The following PPHLN1 variants were observed in gnomAD, a reference collection of about 807,000 sequenced individuals.
PPHLN1 encodes the protein periphilin 1.
A neutral mutation model predicts 51.3 loss-of-function variants in PPHLN1; 29 were observed. That is an observed-to-expected ratio of 0.57 (90% confidence interval 0.42 to 0.77). The LOEUF is 0.77. Ranked by LOEUF, PPHLN1 falls within the 30% of genes least tolerant of loss-of-function variation. The pLI is 0.00. For synonymous variants in PPHLN1, 147 were observed against 147.8 expected (o/e 0.99, Z 0.04); for missense variants, 436 against 438.4 (o/e 0.99, Z 0.05).
At chr12:42,340,503 C>T (rs1167423530) in intron 2 of PPHLN1, among the ~76,000 whole-genome samples, 1 of 152,098 alleles carries the variant, frequency 6.6e-6, no homozygotes, top group Admixed American at 6.5e-5. Flanking sequence ...CAATGAGAAT[C>T]AATGGGCTAC....
chr12:42,387,626 C>G (rs1206881498), intron 7 of PPHLN1, 91 bp downstream of exon 7: 8 of 1,443,892 alleles, frequency 5.5e-6, no homozygotes, highest in Non-Finnish European at 7.3e-6. Context: ...ACTGTTATGC[C>G]AAGGGAGCTA....
chr12:42,445,924 G>A, downstream of PPHLN1: 1 of 1,452,944 alleles, frequency 6.9e-7, no homozygotes, highest in Non-Finnish European at 9.1e-7. Flanking sequence ...TGGTCCAAAT[G>A]TTTTGCTAAC....
chr12:42,341,257 G>C (rs539358726), intron 2 of PPHLN1, among the ~76,000 whole-genome samples: 1 of 152,228 alleles, frequency 6.6e-6, no homozygotes, highest in Non-Finnish European at 1.5e-5. Context: ...GGGATTACAG[G>C]CGTGAGCCAT....
chr12:42,446,084 G>C (rs1593081805), downstream of PPHLN1: 1 of 1,551,010 alleles, frequency 6.4e-7, no homozygotes, highest in Non-Finnish European at 8.7e-7. Context: ...GCCCCCGCAG[G>C]CCCCGCAGCC....
intron 9 of PPHLN1, among the ~76,000 whole-genome samples, chr12:42,427,774 T>G (rs892528460): frequency 6.6e-6 from 1 of 152,076 alleles, no homozygotes; most frequent in Non-Finnish European, 1.5e-5. Flanking sequence ...TTAATTAAAC[T>G]AAAGAGCTTT....
chr12:42,423,929 G>A (rs2081213024), intron 9 of PPHLN1, among the ~76,000 whole-genome samples: 1 of 152,118 alleles, frequency 6.6e-6, no homozygotes, highest in Admixed American at 6.5e-5. Context: ...TGCCCACCTC[G>A]GTGTCCCAAA....
chr12:42,442,090 C>T lies in PPHLN1; in HGVS notation c.*581C>T, dbSNP rs757898208. 5.6e-5 allele frequency: 24 copies of T among 427,570 alleles called. No individual in the cohort carries two copies. The highest frequency in any genetic ancestry group is 7.5e-5 in the Non-Finnish European group (24 of 320,444). 26.5% of individuals were successfully genotyped at this position (427,570 alleles called of 1,614,324 possible). ...GTCTTCTATTACAATAATCCTGAAA[C>T]TCCTGACTCTCTCACTGATGTATGA... is the stretch of plus-strand genomic sequence containing the variant. On this transcript the variant is annotated 3_prime_UTR_variant, in exon 10 of 10. Transcript: ENST00000358314.
chr12:42,374,509 GGCTCAC>G (rs2138755128), intron 4 of PPHLN1: 1 of 182,128 alleles, frequency 5.5e-6, no homozygotes, highest in East Asian at 1.6e-4. Context: ...GCGCGATCTG[GGCTCAC>G]TGCAAGCTCC....
At chr12:42,375,194 T>A in intron 5 of PPHLN1, 120 bp downstream of exon 5, 3 of 803,066 alleles carry the variant, frequency 3.7e-6, no homozygotes, top group Non-Finnish European at 3.8e-6. Flanking sequence ...TTGAAAAATT[T>A]CAAACTTACA....
intron 7 of PPHLN1, among the ~76,000 whole-genome samples, chr12:42,390,723 G>A (rs2077614899): frequency 6.9e-6 from 1 of 144,502 alleles, no homozygotes; most frequent in African/African-American, 2.6e-5. Flanking sequence ...TGTATTCTAT[G>A]TGTGGTCCAA....
At chr12:42,345,138 GTAGCTGATTAT>G in intron 2 of PPHLN1, among the ~76,000 whole-genome samples, 1 of 152,236 alleles carries the variant, frequency 6.6e-6, no homozygotes, top group East Asian at 1.9e-4. Flanking sequence ...AAATTAAGAA[GTAGCTGATTAT>G]TTTCTAACAA....
chr12:42,349,551 GCGGCCTTCC>G (rs2072897990), intron 2 of PPHLN1, among the ~76,000 whole-genome samples: 4 of 150,978 alleles, frequency 2.6e-5, no homozygotes, highest in African/African-American at 9.9e-5. Flanking sequence ...AGAGGACCCT[GCGGCCTTCC>G]GCAGTGTTTG....
At chr12:42,423,084 C>A (rs561265748) in intron 9 of PPHLN1, among the ~76,000 whole-genome samples, 2 of 152,140 alleles carry the variant, frequency 1.3e-5, no homozygotes, top group East Asian at 1.9e-4. Flanking sequence ...CTAAGTATTT[C>A]TCTGATTCTT....
chr12:42,426,207 C>T (rs2081457283), intron 9 of PPHLN1, among the ~76,000 whole-genome samples: 1 of 150,422 alleles, frequency 6.6e-6, no homozygotes, highest in Admixed American at 6.6e-5. Context: ...CACACACACA[C>T]ACACACACAC....
chr12:42,409,281 C>T (rs1047860994), intron 9 of PPHLN1, among the ~76,000 whole-genome samples: 1 of 152,026 alleles, frequency 6.6e-6, no homozygotes, highest in Non-Finnish European at 1.5e-5. Flanking sequence ...TCACTTTTAT[C>T]TAGTGATTGT....
At chr12:42,401,827 A>G (rs2078868256) in intron 9 of PPHLN1, among the ~76,000 whole-genome samples, 1 of 151,974 alleles carries the variant, frequency 6.6e-6, no homozygotes, top group Non-Finnish European at 1.5e-5. Context: ...GGAAGGTACC[A>G]TTTTGAGGTG....
intron 2 of PPHLN1, among the ~76,000 whole-genome samples, chr12:42,345,320 A>T (rs2072142617): frequency 6.6e-6 from 1 of 152,114 alleles, no homozygotes; most frequent in Admixed American, 6.5e-5. Context: ...TTGAAAGTTT[A>T]AATTTCATTG....
downstream of PPHLN1, chr12:42,445,836 T>C: frequency 9.4e-7 from 1 of 1,064,188 alleles, no homozygotes; most frequent in South Asian, 2.1e-5. Flanking sequence ...CAGTCAGCTA[T>C]AGAAAAGCAC....
chr12:42,341,769 C>T (rs1469931929), intron 2 of PPHLN1, among the ~76,000 whole-genome samples: 1 of 152,088 alleles, frequency 6.6e-6, no homozygotes, highest in Admixed American at 6.6e-5. Context: ...CTATAGGCAC[C>T]TGCCACCACG....
Sources: allele counts gnomAD v4.1 joint callset (sites outside exome capture counted in the v4.1 genomes callset), GRCh38; gene constraint gnomAD v4.1.1; transcripts MANE v1.5; gene names NCBI Gene and HGNC (gene_info 2026-07-23, HGNC 2026-07-21).